Variants in ZBTB38 observed in about 807,000 individuals in gnomAD.
ZBTB38 encodes the protein zinc finger and BTB domain-containing protein 38.
Under a neutral mutation model 76.8 loss-of-function variants are expected in ZBTB38, and 20 were observed. The observed-to-expected ratio is 0.26, with a 90% CI of 0.18 to 0.38. ZBTB38 has a LOEUF of 0.38. ZBTB38 is among the 10% of genes least tolerant of loss of function. The pLI, the probability that ZBTB38 is intolerant of heterozygous loss-of-function variation, is 1.00. For missense variants in ZBTB38, 1,082 were observed against 1,482.3 expected (o/e 0.73, Z 4.43); for synonymous variants, 504 against 544.2 (o/e 0.93, Z 1.03).
At chr3:141,422,560 A>T (rs2075627540) in intron 5 of ZBTB38, among the ~76,000 whole-genome samples, 1 of 152,136 alleles carries the variant, frequency 6.6e-6, no homozygotes, top group Admixed American at 6.5e-5. Context: ...CTGAATAATC[A>T]TCTAATTCAG....
At chr3:141,338,931 A>G (rs1342374733) in intron 1 of ZBTB38, among the ~76,000 whole-genome samples, 1 of 152,044 alleles carries the variant, frequency 6.6e-6, no homozygotes, top group Non-Finnish European at 1.5e-5. Context: ...ATTAAGTACT[A>G]TGAATGAACA....
intron 1 of ZBTB38, among the ~76,000 whole-genome samples, chr3:141,336,441 C>T (rs774832994): frequency 2.0e-5 from 3 of 151,976 alleles, no homozygotes; most frequent in Non-Finnish European, 2.9e-5. Flanking sequence ...GTAGTTCAAA[C>T]CAAAGACAGA....
At chr3:141,398,325 A>G (rs553183136) in intron 4 of ZBTB38, among the ~76,000 whole-genome samples, 1 of 151,748 alleles carries the variant, frequency 6.6e-6, no homozygotes. Context: ...AATGATTATT[A>G]CCTTTTTTTT....
intron 1 of ZBTB38, among the ~76,000 whole-genome samples, chr3:141,360,782 G>T (rs1168857344): frequency 6.6e-6 from 1 of 152,036 alleles, no homozygotes; most frequent in Non-Finnish European, 1.5e-5. Context: ...AGCATCCCTG[G>T]CTTCTACCCA....
At chr3:141,424,959 C>A (rs933297327) in intron 5 of ZBTB38, among the ~76,000 whole-genome samples, 1 of 152,152 alleles carries the variant, frequency 6.6e-6, no homozygotes, top group Non-Finnish European at 1.5e-5. Context: ...GATACTATAC[C>A]AAGCACTTTA....
At chr3:141,438,059 A>C (rs562571376) in intron 5 of ZBTB38, among the ~76,000 whole-genome samples, 5 of 148,316 alleles carry the variant, frequency 3.4e-5, no homozygotes, top group East Asian at 4.1e-4. Flanking sequence ...CTACAGGCGC[A>C]CGCCACTATG....
At chr3:141,330,305 A>G (rs1423671799) in intron 1 of ZBTB38, among the ~76,000 whole-genome samples, 1 of 152,186 alleles carries the variant, frequency 6.6e-6, no homozygotes, top group African/African-American at 2.4e-5. Flanking sequence ...GGTACCATGG[A>G]ACGTCCTCTG....
At chr3:141,344,760 T>C (rs1345168444) in intron 1 of ZBTB38, among the ~76,000 whole-genome samples, 1 of 152,218 alleles carries the variant, frequency 6.6e-6, no homozygotes, top group Non-Finnish European at 1.5e-5. Context: ...TTGGGAAAGG[T>C]CCTCTGCTTT....
intron 5 of ZBTB38, chr3:141,434,215 A>G (rs900149623): frequency 2.9e-5 from 29 of 985,408 alleles, no homozygotes; most frequent in Non-Finnish European, 3.4e-5. Flanking sequence ...TAAGACATCA[A>G]CTGAGACAAG....
chr3:141,431,614 T>C (rs1464489589), intron 5 of ZBTB38: 1 of 152,048 alleles, frequency 6.6e-6, no homozygotes, highest in Non-Finnish European at 1.5e-5. Flanking sequence ...AATATTTAAC[T>C]GGGCCCATTG....
intron 1 of ZBTB38, among the ~76,000 whole-genome samples, chr3:141,362,267 C>T (rs937960697): frequency 1.2e-4 from 19 of 152,124 alleles, no homozygotes; most frequent in African/African-American, 4.1e-4. Context: ...TTCTCTGAGG[C>T]GTGATTCAGG....
intron 4 of ZBTB38, chr3:141,402,476 G>A (rs1034662486): frequency 2.0e-5 from 3 of 149,456 alleles, no homozygotes; most frequent in East Asian, 1.9e-4. Flanking sequence ...GGGTCTTCGC[G>A]GGGCCGGGGG....
Position 141,446,076 on chromosome 3 carries a change from G to T in ZBTB38, c.*100G>T. The T allele has an allele frequency of 1.3e-5, 12 of 901,644 alleles. No homozygotes were observed. The highest frequency in any genetic ancestry group is 1.7e-5 in the Non-Finnish European group (11 of 660,666). The allele number at this position is 901,644 out of a possible 1,614,324, so 55.9% of individuals were successfully genotyped here. A position where few individuals can be genotyped will look rare whatever the true frequency, so the allele number is the denominator to read the frequency against. ...TTGTCCATGTGACAGTCATGAAGGA[G>T]TGAAATTAAAAAAAAAAAAAACTCA... On this transcript the variant is annotated 3_prime_UTR_variant, in exon 6 of 6. Coordinates refer to ENST00000321464, the MANE Select transcript of ZBTB38 (RefSeq NM_001376113.1).
intron 5 of ZBTB38, among the ~76,000 whole-genome samples, chr3:141,424,853 C>A (rs959771392): frequency 6.6e-6 from 1 of 152,184 alleles, no homozygotes; most frequent in Non-Finnish European, 1.5e-5. Context: ...CAAGGCTTAG[C>A]TAATACTTGC....
At chr3:141,382,290 A>G (rs1296208428) in intron 3 of ZBTB38, among the ~76,000 whole-genome samples, 1 of 152,228 alleles carries the variant, frequency 6.6e-6, no homozygotes, top group Non-Finnish European at 1.5e-5. Flanking sequence ...TCTTTAACTG[A>G]TCATTTAGAG....
intron 4 of ZBTB38, chr3:141,388,528 T>C (rs1947827791): frequency 1.3e-5 from 2 of 152,222 alleles, no homozygotes; most frequent in South Asian, 4.1e-4. Context: ...GCTGTGGTTC[T>C]GGCACTTTTC....
At chr3:141,355,690 A>T (rs1255034235) in intron 1 of ZBTB38, among the ~76,000 whole-genome samples, 1 of 151,990 alleles carries the variant, frequency 6.6e-6, no homozygotes, top group African/African-American at 2.4e-5. Flanking sequence ...TCTAGCCCAA[A>T]CACCCACCTC....
intron 1 of ZBTB38, among the ~76,000 whole-genome samples, chr3:141,333,482 G>A (rs1328957514): frequency 6.6e-6 from 1 of 152,090 alleles, no homozygotes; most frequent in African/African-American, 2.4e-5. Flanking sequence ...CAGATGGCCT[G>A]CCACTCAGAT....
intron 2 of ZBTB38, among the ~76,000 whole-genome samples, chr3:141,376,532 C>A (rs1429246483): frequency 6.6e-6 from 1 of 152,230 alleles, no homozygotes; most frequent in Admixed American, 6.5e-5. Context: ...AGTCTACAAC[C>A]TCCCTTGAAC....
Sources: allele counts gnomAD v4.1 joint callset (sites outside exome capture counted in the v4.1 genomes callset), GRCh38; gene constraint gnomAD v4.1.1; transcripts MANE v1.5; gene names NCBI Gene and HGNC (gene_info 2026-07-23, HGNC 2026-07-21).